Variants in AMPH observed in about 807,000 individuals in gnomAD.
AMPH encodes the protein amphiphysin.
Under a neutral mutation model 99.1 loss-of-function variants are expected in AMPH, and 49 were observed. The ratio of observed to expected loss-of-function variants is 0.49; its 90% CI spans 0.39 to 0.63. The LOEUF is 0.63. Among genes scored for constraint, AMPH ranks in the 20% least tolerant of loss-of-function variants. The pLI is 0.00. For missense variants in AMPH, 759 were observed against 863.4 expected (o/e 0.88, Z 1.52); for synonymous variants, 314 against 317.3 (o/e 0.99, Z 0.11).
chr7:38,555,656 G>A (rs1651220473), intron 1 of AMPH, among the ~76,000 whole-genome samples: 1 of 152,074 alleles, frequency 6.6e-6, no homozygotes, highest in Non-Finnish European at 1.5e-5. Flanking sequence ...AATATTCACA[G>A]TATTTTACTA....
At chr7:38,491,340 C>G (rs1788712392) in intron 4 of AMPH, among the ~76,000 whole-genome samples, 195 bp from the exon 5 acceptor site, 1 of 152,174 alleles carries the variant, frequency 6.6e-6, no homozygotes, top group South Asian at 2.1e-4. Context: ...GTTAACAAAA[C>G]AGGCTAGCTC....
At chr7:38,393,915 C>G (rs952323523) in intron 18 of AMPH, 90 bp downstream of exon 18, 2 of 1,255,606 alleles carry the variant, frequency 1.6e-6, no homozygotes, top group Admixed American at 1.8e-5. Flanking sequence ...TATTATACAT[C>G]CAAAGAGTTA....
intron 3 of AMPH, among the ~76,000 whole-genome samples, chr7:38,501,247 G>A (rs928187001): frequency 3.3e-5 from 5 of 152,146 alleles, no homozygotes; most frequent in African/African-American, 9.7e-5. Flanking sequence ...CTGGAGTGCA[G>A]TGGCATGATC....
chr7:38,465,910 A>G (rs1048415559), intron 8 of AMPH, among the ~76,000 whole-genome samples: 3 of 152,188 alleles, frequency 2.0e-5, no homozygotes, highest in African/African-American at 7.2e-5. Context: ...TTAGCCTAAA[A>G]TACCACTGGG....
chr7:38,385,169 A>G (rs1254985850), intron 20 of AMPH, among the ~76,000 whole-genome samples: 1 of 152,190 alleles, frequency 6.6e-6, no homozygotes, highest in East Asian at 1.9e-4. Context: ...TATAAAGTAT[A>G]GCTAATGCTT....
chr7:38,419,932 T>C (rs1785523521), intron 16 of AMPH, among the ~76,000 whole-genome samples: 1 of 152,196 alleles, frequency 6.6e-6, no homozygotes, highest in Non-Finnish European at 1.5e-5. Flanking sequence ...CTTAGAAGTC[T>C]GAAGAAATTC....
intron 13 of AMPH, among the ~76,000 whole-genome samples, chr7:38,431,457 A>G (rs749990597): frequency 2.0e-5 from 3 of 152,154 alleles, no homozygotes; most frequent in Non-Finnish European, 2.9e-5. Context: ...GCAGATCGAG[A>G]CCATCCTGGC....
intron 12 of AMPH, among the ~76,000 whole-genome samples, chr7:38,433,581 C>T (rs538871509): frequency 9.3e-5 from 13 of 139,994 alleles, no homozygotes; most frequent in Non-Finnish European, 1.7e-4. Context: ...AAAAATTAGC[C>T]GGGCGTAGTG....
chr7:38,577,492 T>C (rs778181558), intron 1 of AMPH, among the ~76,000 whole-genome samples: 1 of 152,228 alleles, frequency 6.6e-6, no homozygotes, highest in Non-Finnish European at 1.5e-5. Flanking sequence ...GTAAGTTGAC[T>C]GCAAAGAATT....
intron 1 of AMPH, among the ~76,000 whole-genome samples, chr7:38,591,461 A>G (rs1792853981): frequency 6.6e-6 from 1 of 151,740 alleles, no homozygotes; most frequent in South Asian, 2.1e-4. Flanking sequence ...CTAATTTTGT[A>G]TTTTTAGTAA....
At chr7:38,461,214 G>C in intron 11 of AMPH, 69 bp downstream of exon 11, 1 of 1,585,172 alleles carries the variant, frequency 6.3e-7, no homozygotes, top group South Asian at 1.1e-5. Flanking sequence ...CTTTCTTTAG[G>C]GCTAGCCCCT....
chr7:38,505,135 G>C (rs560134945), intron 2 of AMPH, among the ~76,000 whole-genome samples: 1 of 152,252 alleles, frequency 6.6e-6, no homozygotes, highest in East Asian at 1.9e-4. Flanking sequence ...GCCATTCAAA[G>C]TGTTGAAGTA....
intron 2 of AMPH, among the ~76,000 whole-genome samples, chr7:38,504,164 T>A (rs1789246274): frequency 6.6e-6 from 1 of 152,236 alleles, no homozygotes; most frequent in South Asian, 2.1e-4. Context: ...AAAACCTCAT[T>A]AATTTTATAT....
At chr7:38,616,657 TA>T (rs1000645054) in intron 1 of AMPH, among the ~76,000 whole-genome samples, 1 of 152,036 alleles carries the variant, frequency 6.6e-6, no homozygotes, top group Non-Finnish European at 1.5e-5. Context: ...AATTTATCAA[TA>T]AAAAAAGAAG....
intron 2 of AMPH, among the ~76,000 whole-genome samples, chr7:38,510,626 C>T (rs1044312204): frequency 2.0e-5 from 3 of 152,148 alleles, no homozygotes; most frequent in African/African-American, 7.2e-5. Flanking sequence ...TGCCCAAAGT[C>T]ACACATCTAA....
chr7:38,483,992 C>T (rs1292395135), intron 5 of AMPH, among the ~76,000 whole-genome samples: 7 of 151,586 alleles, frequency 4.6e-5, no homozygotes, highest in Middle Eastern at 3.4e-3. Flanking sequence ...ACTGGGGGGG[C>T]GTTCAGTAGA....
chr7:38,543,687 G>T (rs1790893692), intron 1 of AMPH, among the ~76,000 whole-genome samples: 1 of 152,058 alleles, frequency 6.6e-6, no homozygotes, highest in African/African-American at 2.4e-5. Context: ...TCATACAGCT[G>T]GTATGTAACC....
At chr7:38,600,185 C>T (rs1261683417) in intron 1 of AMPH, among the ~76,000 whole-genome samples, 3 of 151,962 alleles carry the variant, frequency 2.0e-5, no homozygotes, top group African/African-American at 7.2e-5. Context: ...TTAATCTTAC[C>T]TTTCCCATAC....
chr7:38,605,751 T>A lies in AMPH; in HGVS notation c.69+25532A>T, dbSNP rs540350068. Among the ~76,000 whole-genome samples, 1,013 of 151,924 alleles carry A rather than the reference T, an allele frequency of 6.7e-3. 16 individuals are homozygous for A. Among genetic ancestry groups the A allele is most frequent in the African/African-American group, 0.021 (879 of 41,408 alleles). On this transcript the variant is annotated intron_variant, in intron 1 of 20. Transcript: ENST00000356264. ...CCACCATGCCCAGCTATTTTTTTTT[T>A]AAATATTTTAAGTAGAGACAGGGTT...
Sources: allele counts gnomAD v4.1 joint callset (sites outside exome capture counted in the v4.1 genomes callset), GRCh38; gene constraint gnomAD v4.1.1; transcripts MANE v1.5; gene names NCBI Gene and HGNC (gene_info 2026-07-23, HGNC 2026-07-21).